The following ERCC6 variants were observed in gnomAD, a reference collection of about 807,000 sequenced individuals.
ERCC6 encodes the protein ERCC excision repair 6, chromatin remodeling factor.
Under a neutral mutation model 158.7 loss-of-function variants are expected in ERCC6, and 116 were observed. The observed-to-expected ratio is 0.73, with a 90% confidence interval of 0.63 to 0.85. ERCC6 has a LOEUF of 0.85. Ranked by LOEUF, ERCC6 falls within the 40% of genes least tolerant of loss-of-function variation. The pLI is 0.00. For missense variants in ERCC6, 1,698 were observed against 1,799.4 expected (o/e 0.94, Z 1.02); for synonymous variants, 678 against 659.3 (o/e 1.03, Z -0.43).
At position 49,479,950 on chromosome 10, in the gene ERCC6, A is replaced by G. The variant is rs138008904; in HGVS notation, c.2170-1480T>C. Among the ~76,000 whole-genome samples, 1,291 of 152,340 alleles carry G rather than the reference A, an allele frequency of 8.5e-3. 21 individuals carry two copies. Among genetic ancestry groups the G allele is most frequent in the African/African-American group, 0.029 (1,213 of 41,574 alleles). On this transcript the variant is annotated intron_variant, in intron 10 of 20. Transcript: ENST00000355832. ...GTGGAAAACAGACAACTTGCTGAGC[A>G]TGCCCATGCTCCTTCCCATTCTGAC...
chr10:49,500,758 A>G, intron 6 of ERCC6, 62 bp from the exon 7 acceptor site: 1 of 1,558,882 alleles, frequency 6.4e-7, no homozygotes, highest in Admixed American at 1.7e-5. Context: ...TACAGATCAT[A>G]ACAGAAAGTA....
At chr10:49,465,040 A>C (rs1385468193) in intron 18 of ERCC6, among the ~76,000 whole-genome samples, 1 of 152,188 alleles carries the variant, frequency 6.6e-6, no homozygotes, top group Non-Finnish European at 1.5e-5. Flanking sequence ...ATCCACTGAC[A>C]GCTTGCACCA....
At chr10:49,512,786 T>G (rs1288039185) in intron 5 of ERCC6, among the ~76,000 whole-genome samples, 1 of 152,238 alleles carries the variant, frequency 6.6e-6, no homozygotes, top group Non-Finnish European at 1.5e-5. Context: ...CAATATTTTG[T>G]GCATGAAACG....
chr10:49,530,911 T>C, intron 2 of ERCC6, 71 bp from the exon 3 acceptor site: 2 of 1,583,704 alleles, frequency 1.3e-6, no homozygotes, highest in South Asian at 1.1e-5. Flanking sequence ...AAGAGAAAAA[T>C]GCTAAAAACA....
At chr10:49,513,851 T>C (rs964127088) in intron 5 of ERCC6, among the ~76,000 whole-genome samples, 1 of 150,130 alleles carries the variant, frequency 6.7e-6, no homozygotes, top group African/African-American at 2.5e-5. Context: ...ATTCTCTCTC[T>C]CTCTCTTTTT....
chr10:49,473,540 A>C lies in ERCC6; in HGVS notation c.2646T>G (p.Tyr882Ter). 6.2e-7 allele frequency: 1 copy of C among 1,613,416 alleles called. No homozygotes were observed. The highest frequency in any genetic ancestry group is 8.5e-7 in the Non-Finnish European group (1 of 1,179,394). The change falls in exon 14 of 21, where the codon TAT (tyrosine) becomes TAG (stop). Residue 882 changes from tyrosine to a stop codon, truncating the protein, a stop_gained. Coordinates refer to ENST00000355832, the MANE Select transcript of ERCC6 (RefSeq NM_000124.4). LOFTEE classifies it high-confidence loss of function. ...TTGTAGTGGTACCATCCATCTTGAG[A>C]TAGGTATACTTTTGGGCTCTAAGGA... is the stretch of plus-strand genomic sequence containing the variant. ...EVFLRAQKYT[Y>*]LKMDGTTTIA...
At chr10:49,538,734 C>T (rs1182173101) in intron 1 of ERCC6, among the ~76,000 whole-genome samples, 1 of 152,216 alleles carries the variant, frequency 6.6e-6, no homozygotes, top group African/African-American at 2.4e-5. Flanking sequence ...CGCTGGCCGG[C>T]CAGGGACTCA....
intron 19 of ERCC6, among the ~76,000 whole-genome samples, chr10:49,460,881 T>TC (rs1291296693): frequency 1.3e-5 from 2 of 150,890 alleles, no homozygotes; most frequent in Non-Finnish European, 2.9e-5. Context: ...AGGGCGAGAC[T>TC]CCATCTCTAA....
the ERCC6 span, among the ~76,000 whole-genome samples, chr10:49,439,728 C>T: frequency 1.3e-5 from 2 of 152,146 alleles, no homozygotes; most frequent in Non-Finnish European, 2.9e-5. Flanking sequence ...AACTAAATGC[C>T]TTTAACAGCC....
In ERCC6 at chr10:49,474,034, G is replaced by T; in HGVS notation, c.2591C>A (p.Ser864Ter). 6.2e-7 allele frequency: 1 copy of T among 1,613,882 alleles called. No homozygotes were observed. The highest frequency in any genetic ancestry group is 1.1e-5 in the South Asian group (1 of 91,058). Residue 864 changes from serine to a stop codon, truncating the protein, a stop_gained, in exon 13 of 21, where the codon TCA becomes TAA. Transcript: ENST00000355832. LOFTEE classifies it high-confidence loss of function. ...TGAAGTCTGTGCACTCACCTGCCTT[G>T]ACTGAGAAAACAGCAATACTCGCTG... The part of the protein sequence containing the change: ...QGQRVLLFSQ[S>*]RQMLDILEVF...
chr10:49,511,932 C>T (rs1409055222), intron 5 of ERCC6, among the ~76,000 whole-genome samples: 1 of 152,106 alleles, frequency 6.6e-6, no homozygotes, highest in Non-Finnish European at 1.5e-5. Context: ...TCTGCCTCCT[C>T]CACCACAAAA....
chr10:49,473,489 C>T lies in ERCC6; in HGVS notation c.2697G>A (p.Thr899=), dbSNP rs761802751. ...TTIASRQPLI[T]RYNEDTSIFV... is the part of the protein sequence containing the mutation. ...ATTCACATGTTACCTCATTGTATCT[C>T]GTAATCAGTGGCTGTCTTGAAGCTA... Residue 899 remains threonine (T), a synonymous_variant, in exon 14 of 21, where the codon ACG becomes ACA. Coordinates refer to ENST00000355832, the MANE Select transcript of ERCC6 (RefSeq NM_000124.4). The T allele has an allele frequency of 6.2e-5, 99 of 1,602,560 alleles. No homozygotes were observed. The highest frequency in any genetic ancestry group is 9.4e-5 in the African/African-American group (7 of 74,684).
chr10:49,499,758 G>A (rs1405528679), intron 7 of ERCC6, among the ~76,000 whole-genome samples: 3 of 152,122 alleles, frequency 2.0e-5, no homozygotes, highest in Non-Finnish European at 4.4e-5. Context: ...TCAAAATAAA[G>A]TATTTCAGTC....
intron 10 of ERCC6, 27 bp from the exon 11 acceptor site, chr10:49,478,497 T>C (rs191829571): frequency 7.1e-5 from 95 of 1,333,242 alleles, no homozygotes; most frequent in Non-Finnish European, 1.1e-5. Flanking sequence ...GAAGGGAACA[T>C]TACTATATAT....
chr10:49,484,974 A>G (rs1278505101), intron 8 of ERCC6, among the ~76,000 whole-genome samples: 2 of 152,246 alleles, frequency 1.3e-5, no homozygotes, highest in African/African-American at 4.8e-5. Flanking sequence ...CTTGATGAAT[A>G]AAATAAACAA....
Position 49,455,153 on chromosome 10 carries a change from C to T in ERCC6, c.*3662G>A, listed in dbSNP as rs1850465069. Among the ~76,000 whole-genome samples, 1 of 152,042 alleles carries T rather than the reference C, an allele frequency of 6.6e-6. No individual in the cohort carries two copies. The highest frequency in any genetic ancestry group is 2.1e-4 in the South Asian group (1 of 4,826). On this transcript the variant is annotated 3_prime_UTR_variant, in exon 21 of 21. Transcript: ENST00000355832. ...CCATATTTTTATGTAAGTTAAAAGA[C>T]TCACAACCAAAACTAAAAATCTATA...
chr10:49,521,369 G>A (rs973454376), intron 5 of ERCC6, among the ~76,000 whole-genome samples: 4 of 152,154 alleles, frequency 2.6e-5, no homozygotes, highest in South Asian at 2.1e-4. Context: ...GGTGCTCACC[G>A]GGAACCCACA....
chr10:49,492,757 T>C (rs1447915631), intron 8 of ERCC6, among the ~76,000 whole-genome samples: 1 of 152,224 alleles, frequency 6.6e-6, no homozygotes, highest in Admixed American at 6.5e-5. Context: ...TGTATCCACC[T>C]TCCTAAAACT....
rs765071536 is a variant in ERCC6, at chr10:49,493,182, G to T, written c.1756C>A (p.His586Asn). 1 of 1,614,112 alleles carries T rather than the reference G, an allele frequency of 6.2e-7. No individual in the cohort carries two copies. Among genetic ancestry groups the T allele is most frequent in the Non-Finnish European group, 8.5e-7 (1 of 1,180,006 alleles). Reference protein sequence around the residue: ...TVMHQWVKEFHTWWPPFRVAI... With the variant: ...TVMHQWVKEFNTWWPPFRVAI... ...ACTCTGAACGGAGGCCACCACGTGTGAAATTCCTTCACCCACTGATGCATC... is the reference window on the plus strand; with the variant it reads ...ACTCTGAACGGAGGCCACCACGTGTTAAATTCCTTCACCCACTGATGCATC... The change falls in exon 8 of 21, where the codon CAC becomes AAC. Residue 586 changes from histidine to asparagine, a missense_variant. Physicochemically the swap from His to Asn is moderately conservative, Grantham distance 68. Transcript: ENST00000355832.
Sources: gnomAD v4.1 joint callset for allele counts (sites outside exome capture counted in the v4.1 genomes callset) on GRCh38, gnomAD v4.1.1 for gene constraint, MANE v1.5 for transcripts, NCBI Gene and HGNC (gene_info 2026-07-23, HGNC 2026-07-21) for gene names.